CCDC85C: variants seen among roughly 807,000 people sequenced by gnomAD.
CCDC85C encodes the protein coiled-coil domain containing 85C.
Under a neutral mutation model 38.3 loss-of-function variants are expected in CCDC85C, and 18 were observed. That is an observed-to-expected ratio of 0.47 (90% CI 0.33 to 0.70). The LOEUF (loss-of-function observed/expected upper bound fraction) is 0.70. Ranked by LOEUF, CCDC85C falls within the 30% of genes least tolerant of loss-of-function variation. The pLI, the probability that CCDC85C is intolerant of heterozygous loss-of-function variation, is 0.03. For synonymous variants in CCDC85C, 264 were observed against 293.8 expected (o/e 0.90, Z 1.04); for missense variants, 566 against 621.2 (o/e 0.91, Z 0.94).
intron 1 of CCDC85C, among the ~76,000 whole-genome samples, chr14:99,559,845 G>A (rs972664251): frequency 7.9e-5 from 12 of 152,062 alleles, no homozygotes; most frequent in African/African-American, 1.9e-4. Context: ...AGGTGGGCCC[G>A]CAGCCAGCAC....
At chr14:99,596,159 G>C (rs2055141344) in intron 1 of CCDC85C, among the ~76,000 whole-genome samples, 2 of 152,200 alleles carry the variant, frequency 1.3e-5, no homozygotes, top group Non-Finnish European at 2.9e-5. Flanking sequence ...TCCCGGGCCT[G>C]GCATTTGTTC....
chr14:99,596,597 G>T (rs571873750), intron 1 of CCDC85C, among the ~76,000 whole-genome samples: 2 of 152,242 alleles, frequency 1.3e-5, no homozygotes, highest in Non-Finnish European at 2.9e-5. Context: ...AGAACCCTCT[G>T]CCTGTGAGGA....
intron 1 of CCDC85C, among the ~76,000 whole-genome samples, chr14:99,586,464 G>A (rs936285546): frequency 2.6e-5 from 4 of 152,236 alleles, no homozygotes; most frequent in African/African-American, 9.6e-5. Flanking sequence ...GTGGTGAGGG[G>A]CACTTGTCTG....
chr14:99,529,163 C>T lies in CCDC85C; in HGVS notation c.867+6852G>A, dbSNP rs1028452931. Among the ~76,000 whole-genome samples, 9 of 152,328 alleles carry T rather than the reference C, an allele frequency of 5.9e-5. No individual in the cohort carries two copies. In the East Asian group the frequency reaches 1.4e-3, roughly 23 times the overall value. ...TTACCCATGGCTGGCACTGCTCCTCCCTTGGTCCCCATGTCATTTCACACC... is the reference window on the plus strand; with the variant it reads ...TTACCCATGGCTGGCACTGCTCCTCTCTTGGTCCCCATGTCATTTCACACC... On this transcript the variant is annotated intron_variant, in intron 2 of 5. Coordinates refer to ENST00000380243, the MANE Select transcript of CCDC85C (RefSeq NM_001144995.2).
At position 99,501,241 on chromosome 14, in the gene CCDC85C, C is replaced by T. The variant is rs1171516730; in HGVS notation, c.*14005G>A. On this transcript the variant is annotated 3_prime_UTR_variant, in exon 6 of 6. Transcript: ENST00000380243. ...TTCATCCTTGTTTCCCACGCAAAAG[C>T]TCTTTGCTGTGTATTTGAGTGGTGC... The T allele has an allele frequency of 1.8e-5, 13 of 717,714 alleles. No individual in the cohort carries two copies. The highest frequency in any genetic ancestry group is 3.2e-5 in the Non-Finnish European group (13 of 401,838). 44.5% of individuals were successfully genotyped at this position (717,714 alleles called of 1,614,324 possible).
At chr14:99,517,908 A>G (rs539772385) in intron 3 of CCDC85C, among the ~76,000 whole-genome samples, 1 of 152,210 alleles carries the variant, frequency 6.6e-6, no homozygotes, top group Non-Finnish European at 1.5e-5. Context: ...GCAGGTCACA[A>G]GATGCTGGGA....
Position 99,503,655 on chromosome 14 carries a change from G to T in CCDC85C, c.*11591C>A, listed in dbSNP as rs1896898391. ...AGAACAAAGCAGCAGGTAATTTCCTGTTCTGATGTTTTTTTAGTTTTATGT... is the reference window on the plus strand; with the variant it reads ...AGAACAAAGCAGCAGGTAATTTCCTTTTCTGATGTTTTTTTAGTTTTATGT... On this transcript the variant is annotated 3_prime_UTR_variant, in exon 6 of 6. Coordinates refer to ENST00000380243, the MANE Select transcript of CCDC85C (RefSeq NM_001144995.2). 6.4e-7 allele frequency: 1 copy of T among 1,553,460 alleles called. No homozygotes were observed. Among genetic ancestry groups the T allele is most frequent in the Middle Eastern group, 1.7e-4 (1 of 5,826 alleles).
chr14:99,504,237 A>T lies in CCDC85C; in HGVS notation c.*11009T>A, dbSNP rs569668353. The T allele has an allele frequency of 5.1e-6, 1 of 194,482 alleles. No homozygotes were observed. The highest frequency in any genetic ancestry group is 2.4e-5 in the African/African-American group (1 of 41,800). The allele number at this position is 194,482 out of a possible 1,614,324, so 12.0% of individuals were successfully genotyped here. ...GTTTTGTCACAGGGTCAGTCCACCT[A>T]TCATACTGAACTCTTTGAAGGCACA... On this transcript the variant is annotated 3_prime_UTR_variant, in exon 6 of 6. Coordinates refer to ENST00000380243, the MANE Select transcript of CCDC85C (RefSeq NM_001144995.2).
chr14:99,559,190 A>G (rs1374381923), intron 1 of CCDC85C, among the ~76,000 whole-genome samples: 1 of 146,358 alleles, frequency 6.8e-6, no homozygotes, highest in African/African-American at 2.6e-5. Context: ...CTTTACAGCA[A>G]TGCGAGAGCA....
chr14:99,520,656 T>G lies in CCDC85C; in HGVS notation c.975+1477A>C, dbSNP rs116907166. Among the ~76,000 whole-genome samples the G allele has an allele frequency of 2.8e-3, 419 of 152,130 alleles. 4 individuals are homozygous for G. The highest frequency in any genetic ancestry group is 0.021 in the Admixed American group (321 of 15,298). ...CTGAACCTCAGTTTATCACCCGGCC[T>G]CCTGGCCTCATGGAGGAGCGACCCC... On this transcript the variant is annotated intron_variant, in intron 3 of 5. Transcript: ENST00000380243. The surrounding 1 kb of genome is among the most constrained non-coding windows in gnomAD (Gnocchi z 4.1).
At chr14:99,518,180 G>C (rs987037057) in intron 3 of CCDC85C, among the ~76,000 whole-genome samples, 1 of 152,136 alleles carries the variant, frequency 6.6e-6, no homozygotes, top group Admixed American at 6.5e-5. Context: ...TAACACTGCA[G>C]GGCTGGGTTC....
rs1897845551 is a variant in CCDC85C, at chr14:99,548,391, G to A, written c.794-12303C>T. 6.6e-6 allele frequency among the ~76,000 whole-genome samples: 1 copy of A among 152,142 alleles called. No homozygotes were observed. Among genetic ancestry groups the A allele is most frequent in the African/African-American group, 2.4e-5 (1 of 41,428 alleles). On this transcript the variant is annotated intron_variant, in intron 1 of 5. Coordinates refer to ENST00000380243, the MANE Select transcript of CCDC85C (RefSeq NM_001144995.2). This position sits in a 1 kb window ranked among gnomAD's most constrained non-coding sequence, Gnocchi z 4.9. ...GCGGAGAGTAAAAAGTGGTCATGCT[G>A]TGTGACGGTGCACACGTAAGAACGG... is the stretch of plus-strand genomic sequence containing the variant.
chr14:99,555,312 C>T (rs1897989848), intron 1 of CCDC85C, among the ~76,000 whole-genome samples: 1 of 151,964 alleles, frequency 6.6e-6, no homozygotes, highest in African/African-American at 2.4e-5. Context: ...CCTGTCCCCA[C>T]CTGTCCTACC....
At chr14:99,557,561 C>T (rs1477469520) in intron 1 of CCDC85C, among the ~76,000 whole-genome samples, 5 of 152,212 alleles carry the variant, frequency 3.3e-5, no homozygotes, top group Admixed American at 1.3e-4. Flanking sequence ...CCAAGTCACT[C>T]CTGGGCCCAG....
At chr14:99,596,564 C>G (rs6575740) in intron 1 of CCDC85C, among the ~76,000 whole-genome samples, 127,334 of 152,252 alleles carry the variant, frequency 0.84, 55,506 homozygotes, top group Non-Finnish European at 0.97. Flanking sequence ...CCATCCCCGG[C>G]TGACCCGGCT....
chr14:99,516,130 G>A lies in CCDC85C; in HGVS notation c.1170+58C>T, dbSNP rs1030987584. 8 of 1,293,656 alleles carry A rather than the reference G, an allele frequency of 6.2e-6. No homozygotes were observed. The highest frequency in any genetic ancestry group is 8.8e-6 in the Non-Finnish European group (8 of 913,874). The allele number at this position is 1,293,656 out of a possible 1,614,324, so 80.1% of individuals were successfully genotyped here. A position where few individuals can be genotyped will look rare whatever the true frequency, so the allele number is the denominator to read the frequency against. ...ATGGGGAAGGGTATGGCCATGCTGG[G>A]TGGCCCTGGTCGCACTCCCAGTGCC... is the stretch of plus-strand genomic sequence containing the variant. On this transcript the variant is annotated intron_variant, in intron 5 of 5. Transcript: ENST00000380243. This position sits in a 1 kb window ranked among gnomAD's most constrained non-coding sequence, Gnocchi z 5.5.
At chr14:99,552,872 G>A (rs1897939135) in intron 1 of CCDC85C, among the ~76,000 whole-genome samples, 1 of 152,212 alleles carries the variant, frequency 6.6e-6, no homozygotes, top group African/African-American at 2.4e-5. Context: ...TTCCTGCATG[G>A]CTCTTGGCAC....
chr14:99,509,594 C>CT lies in CCDC85C; in HGVS notation c.*5651dup, dbSNP rs1486290331. 1 of 160,728 alleles carries CT rather than the reference C, an allele frequency of 6.2e-6. No homozygotes were observed. The highest frequency in any genetic ancestry group is 2.4e-5 in the African/African-American group (1 of 41,480). 10.0% of individuals were successfully genotyped at this position (160,728 alleles called of 1,614,324 possible). On this transcript the variant is annotated 3_prime_UTR_variant, in exon 6 of 6. Coordinates refer to ENST00000380243, the MANE Select transcript of CCDC85C (RefSeq NM_001144995.2). Reference sequence around the variant, plus strand: ...ACACTCCTCTCAAGGAGGCTGCTATCTGAGAGCACACAGTGGGGTTTGATG... The same window carrying CT: ...ACACTCCTCTCAAGGAGGCTGCTATCTTGAGAGCACACAGTGGGGTTTGATG...
rs888943412 is a variant in CCDC85C at position 99,510,179 on chromosome 14, T to A, written c.*5067A>T. 5 of 1,599,060 alleles carry A rather than the reference T, an allele frequency of 3.1e-6. No individual in the cohort carries two copies. Among genetic ancestry groups the A allele is most frequent in the Non-Finnish European group, 4.3e-6 (5 of 1,175,966 alleles). ...CAGACCGGAAGCCTCCCCTCGCTGCTGCCTTAGGTGAGGCTGAGCCGCCGG... is the reference window on the plus strand; with the variant it reads ...CAGACCGGAAGCCTCCCCTCGCTGCAGCCTTAGGTGAGGCTGAGCCGCCGG... On this transcript the variant is annotated 3_prime_UTR_variant, in exon 6 of 6. Transcript: ENST00000380243.
Sources: gnomAD v4.1 joint callset for allele counts (sites outside exome capture counted in the v4.1 genomes callset) on GRCh38, gnomAD v4.1.1 for gene constraint, Gnocchi (gnomAD v3.1) non-coding constraint, MANE v1.5 for transcripts, NCBI Gene and HGNC (gene_info 2026-07-23, HGNC 2026-07-21) for gene names.